The following ANKRD11 variants were observed in gnomAD, a reference collection of about 807,000 sequenced individuals.
ANKRD11 encodes the protein ankyrin repeat domain 11.
A neutral mutation model predicts 195.7 loss-of-function variants in ANKRD11; 17 were observed. The ratio of observed to expected loss-of-function variants is 0.09; its 90% confidence interval spans 0.06 to 0.13. The LOEUF (loss-of-function observed/expected upper bound fraction) is 0.13. Among genes scored for constraint, ANKRD11 ranks in the 10% least tolerant of loss-of-function variants. ANKRD11 has a pLI of 1.00. For missense variants in ANKRD11, 3,735 were observed against 3,566.1 expected (o/e 1.05, Z -1.21); for synonymous variants, 1,953 against 1,528.1 (o/e 1.28, Z -6.49).
intron 9 of ANKRD11, among the ~76,000 whole-genome samples, chr16:89,276,135 G>A (rs1030434313): frequency 6.6e-5 from 10 of 152,210 alleles, no homozygotes; most frequent in Admixed American, 1.3e-4. Flanking sequence ...ATGGGCAGGT[G>A]GACGCACAAG....
intron 7 of ANKRD11, chr16:89,288,045 A>G: frequency 1.8e-6 from 1 of 546,876 alleles, no homozygotes; most frequent in East Asian, 2.9e-5. Flanking sequence ...ACAGAGGCTG[A>G]GACCTCTCAG....
chr16:89,285,267 C>A lies in ANKRD11; in HGVS notation c.1275G>T (p.Lys425Asn). 1 of 1,613,892 alleles carries A rather than the reference C, an allele frequency of 6.2e-7. No individual in the cohort carries two copies. The highest frequency in any genetic ancestry group is 1.1e-5 in the South Asian group (1 of 91,088). Residue 425 changes from lysine (K) to asparagine (N), a missense_variant, in exon 9 of 13, where the codon AAG becomes AAT. By Grantham distance (94) the Lys-to-Asn change is moderately conservative. Transcript: ENST00000301030. This position sits in a 1 kb window ranked among gnomAD's most constrained non-coding sequence, Gnocchi z 5.6. ...DASVTVGTGE[K>N]LRLSAHTILP... ...ATATCGTATGTGCCGAGAGTCTCAG[C>A]TTCTCTCCTGTCCCCACGGTGACAC... is the stretch of plus-strand genomic sequence containing the variant.
intron 2 of ANKRD11, among the ~76,000 whole-genome samples, chr16:89,328,112 T>G (rs768766290): frequency 6.6e-6 from 1 of 151,878 alleles, no homozygotes; most frequent in Non-Finnish European, 1.5e-5. Context: ...GCACTCGACA[T>G]CCTAAGCCGT....
intron 7 of ANKRD11, 129 bp downstream of exon 7, chr16:89,288,399 G>A: frequency 1.4e-6 from 2 of 1,430,798 alleles, no homozygotes; most frequent in South Asian, 2.4e-5. Flanking sequence ...GGCCTTGAGG[G>A]TGGGCAAGGC....
In ANKRD11 at chr16:89,281,149, G is replaced by T; in HGVS notation, c.5393C>A (p.Thr1798Asn). 1 of 1,613,926 alleles carries T rather than the reference G, an allele frequency of 6.2e-7. No individual in the cohort carries two copies. Among genetic ancestry groups the T allele is most frequent in the South Asian group, 1.1e-5 (1 of 91,086 alleles). Residue 1798 changes from threonine (T) to asparagine (N), a missense_variant, in exon 9 of 13, where the codon ACC (threonine) becomes AAC (asparagine). Transcript: ENST00000301030. The surrounding 1 kb of genome is among the most constrained non-coding windows in gnomAD (Gnocchi z 5.5). ...YRSVSVDIRR[T>N]PEEEFSVGDK... ...TCCGACGCTGAATTCTTCCTCGGGG[G>T]TCCTCCTAATGTCGACAGAGACCGA... is the stretch of plus-strand genomic sequence containing the variant.
intron 3 of ANKRD11, among the ~76,000 whole-genome samples, chr16:89,315,432 G>C (rs1261672691): frequency 6.6e-6 from 1 of 151,950 alleles, no homozygotes; most frequent in Non-Finnish European, 1.5e-5. Context: ...CCTCACTGCT[G>C]AAGGCCGCAC....
chr16:89,272,797 C>T (rs904760509), intron 11 of ANKRD11: 1 of 152,110 alleles, frequency 6.6e-6, no homozygotes, highest in Non-Finnish European at 1.5e-5. Context: ...GTGCTACATA[C>T]ACAACGGAGT....
rs945516481 is a variant in ANKRD11, at chr16:89,291,926, C to A, written c.227-743G>T. The stretch of plus-strand genomic sequence containing the variant: ...GTCTAACGCAACTCACGTGCTGTGT[C>A]TTTTAAAAGAGGCAGGAGGCAGGGG... On this transcript the variant is annotated intron_variant, in intron 4 of 12. Coordinates refer to ENST00000301030, the MANE Select transcript of ANKRD11 (RefSeq NM_013275.6). This position sits in a 1 kb window ranked among gnomAD's most constrained non-coding sequence, Gnocchi z 5.3. The A allele has an allele frequency of 1.1e-5, 5 of 465,720 alleles. No homozygotes were observed. Among genetic ancestry groups the A allele is most frequent in the Admixed American group, 5.2e-5 (2 of 38,726 alleles). 28.8% of individuals were successfully genotyped at this position (465,720 alleles called of 1,614,324 possible). A position where few individuals can be genotyped will look rare whatever the true frequency, so the allele number is the denominator to read the frequency against.
At chr16:89,276,215 T>A (rs1485226345) in intron 9 of ANKRD11, among the ~76,000 whole-genome samples, 1 of 152,180 alleles carries the variant, frequency 6.6e-6, no homozygotes, top group South Asian at 2.1e-4. Context: ...ACGCTGGCGA[T>A]GCCGGGCACC....
intron 2 of ANKRD11, among the ~76,000 whole-genome samples, chr16:89,326,778 G>A (rs142707668): frequency 0.01 from 1,578 of 152,176 alleles, 24 homozygotes; most frequent in African/African-American, 0.035. Context: ...AAACACAACC[G>A]GGGCATGAAA....
intron 1 of ANKRD11, among the ~76,000 whole-genome samples, chr16:89,462,049 CCTCTCCCTCTCCCTCTCTCCCTCTCCCT>C: frequency 7.2e-6 from 1 of 138,758 alleles, no homozygotes; most frequent in Non-Finnish European, 1.6e-5. Context: ...TCCCTCTCCC[CCTCTCCCTCTCCCTCTCTCCCTCTCCCT>C]CTCCCCATGG....
Position 89,295,985 on chromosome 16 carries a change from CTT to C in ANKRD11, c.227-4804_227-4803del, listed in dbSNP as rs60214636. Among the ~76,000 whole-genome samples the C allele has an allele frequency of 4.7e-4, 21 of 45,144 alleles. No individual in the cohort carries two copies. In the South Asian group the frequency reaches 8.9e-3, roughly 19 times the overall value. The allele number at this position is 45,144 out of a possible 152,430, so 29.6% of individuals were successfully genotyped here. Reference sequence around the variant, plus strand: ...GGGAGTGTCTTCTCTATCTGGCTGCCTTTTTTTTTTTTTTTTTTTTTGAGACA... The same window carrying C: ...GGGAGTGTCTTCTCTATCTGGCTGCCTTTTTTTTTTTTTTTTTTTGAGACA... On this transcript the variant is annotated intron_variant, in intron 4 of 12. Coordinates refer to ENST00000301030, the MANE Select transcript of ANKRD11 (RefSeq NM_013275.6).
rs1443780328 is a variant in ANKRD11, at chr16:89,283,280, CCTT to C, written c.3259_3261del (p.Lys1087del). 12 of 1,614,032 alleles carry C rather than the reference CCTT, an allele frequency of 7.4e-6. No individual in the cohort carries two copies. Among genetic ancestry groups the C allele is most frequent in the Middle Eastern group, 1.6e-4 (1 of 6,084 alleles). On this transcript the variant is annotated inframe_deletion, in exon 9 of 13. Transcript: ENST00000301030. This position sits in a 1 kb window ranked among gnomAD's most constrained non-coding sequence, Gnocchi z 4.3. ...GAGATGATCCCAGGGAAAGCCTTCT[CCTT>C]CTTCTCTTTCCCTTGGTCGAGAGAC...
intron 1 of ANKRD11, among the ~76,000 whole-genome samples, chr16:89,461,250 C>T (rs978622625): frequency 2.2e-5 from 3 of 135,292 alleles, no homozygotes; most frequent in Non-Finnish European, 4.6e-5. Context: ...GATTGGTGGT[C>T]AGGGGTTATG....
chr16:89,441,696 G>A (rs116528283), intron 1 of ANKRD11, among the ~76,000 whole-genome samples: 2,557 of 139,420 alleles, frequency 0.018, 66 homozygotes, highest in African/African-American at 0.063. Flanking sequence ...GAACCCAGGA[G>A]GCGGACTATG....
Position 89,281,129 on chromosome 16 carries a change from C to A in ANKRD11, c.5413G>T (p.Val1805Phe), listed in dbSNP as rs151288302. 47 of 1,612,988 alleles carry A rather than the reference C, an allele frequency of 2.9e-5. No homozygotes were observed. The highest frequency in any genetic ancestry group is 3.6e-5 in the Non-Finnish European group (42 of 1,179,152). Residue 1805 changes from valine to phenylalanine, a missense_variant, in exon 9 of 13, where the codon GTC becomes TTC. Val to Phe is a conservative substitution (Grantham distance 50, BLOSUM62 -1). Coordinates refer to ENST00000301030, the MANE Select transcript of ANKRD11 (RefSeq NM_013275.6). The surrounding 1 kb of genome is among the most constrained non-coding windows in gnomAD (Gnocchi z 5.5). ...TGCTGCCTGAAGAGCTTGTCTCCGACGCTGAATTCTTCCTCGGGGGTCCTC... is the reference window on the plus strand; with the variant it reads ...TGCTGCCTGAAGAGCTTGTCTCCGAAGCTGAATTCTTCCTCGGGGGTCCTC... ...IRRTPEEEFS[V>F]GDKLFRQQSV...
At chr16:89,476,038 C>T (rs2057247352) in intron 1 of ANKRD11, among the ~76,000 whole-genome samples, 1 of 145,544 alleles carries the variant, frequency 6.9e-6, no homozygotes, top group African/African-American at 2.6e-5. Flanking sequence ...AGTGATAGAG[C>T]GAGACTGTGT....
At chr16:89,485,323 TAAAA>T (rs397855823) in intron 1 of ANKRD11, among the ~76,000 whole-genome samples, 2 of 128,100 alleles carry the variant, frequency 1.6e-5, no homozygotes, top group Non-Finnish European at 1.7e-5. Flanking sequence ...ATCTCTACTT[TAAAA>T]AAAAAAAAAA....
In ANKRD11 at chr16:89,285,090, C is replaced by G; in HGVS notation, c.1452G>C (p.Glu484Asp). Residue 484 changes from glutamate (E) to aspartate (D), a missense_variant, in exon 9 of 13, where the codon GAG (glutamate) becomes GAC (aspartate). Glu to Asp is a conservative substitution (Grantham distance 45, BLOSUM62 2). Transcript: ENST00000301030. This position sits in a 1 kb window ranked among gnomAD's most constrained non-coding sequence, Gnocchi z 5.6. ...DKFCSSESES[E>D]SSESGEDDRD... Reference sequence around the variant, plus strand: ...TGTCATCCTCCCCACTCTCTGAGGACTCGCTCTCCGACTCCGAGGAGCAGA... The same window carrying G: ...TGTCATCCTCCCCACTCTCTGAGGAGTCGCTCTCCGACTCCGAGGAGCAGA... 6.2e-7 allele frequency: 1 copy of G among 1,613,838 alleles called. No individual in the cohort carries two copies. Among genetic ancestry groups the G allele is most frequent in the Non-Finnish European group, 8.5e-7 (1 of 1,180,042 alleles).
Sources: gnomAD v4.1 joint callset for allele counts (sites outside exome capture counted in the v4.1 genomes callset) on GRCh38, gnomAD v4.1.1 for gene constraint, Gnocchi (gnomAD v3.1) non-coding constraint, MANE v1.5 for transcripts, NCBI Gene and HGNC (gene_info 2026-07-23, HGNC 2026-07-21) for gene names.